The following MGAT4C variants were observed in gnomAD, a reference collection of about 807,000 sequenced individuals.
MGAT4C encodes MGAT4 family member C.
In MGAT4C, 19 loss-of-function variants were observed where a neutral mutation model predicts 40.1. The ratio of observed to expected loss-of-function variants is 0.47; its 90% CI spans 0.33 to 0.70. The LOEUF (loss-of-function observed/expected upper bound fraction) is 0.70, where lower values mean the gene tolerates loss of function less well. MGAT4C is among the 30% of genes least tolerant of loss of function. MGAT4C has a pLI of 0.02. For synonymous variants in MGAT4C, 181 were observed against 187.1 expected (o/e 0.97, Z 0.27); for missense variants, 491 against 563.2 (o/e 0.87, Z 1.30).
At chr12:86,544,026 G>T (rs775977651) in intron 2 of MGAT4C, among the ~76,000 whole-genome samples, 3 of 152,070 alleles carry the variant, frequency 2.0e-5, no homozygotes, top group Non-Finnish European at 2.9e-5. Context: ...GCTAGATAGT[G>T]AGCCCCATTT....
At chr12:86,109,410 GTTAA>G (rs1470508677) in intron 1 of MGAT4C, among the ~76,000 whole-genome samples, 3 of 152,004 alleles carry the variant, frequency 2.0e-5, no homozygotes, top group African/African-American at 4.8e-5. Flanking sequence ...TTCTTAAAGA[GTTAA>G]TTAAACAGAA....
At chr12:86,584,531 C>G (rs537569205) in intron 2 of MGAT4C, among the ~76,000 whole-genome samples, 88 of 151,150 alleles carry the variant, frequency 5.8e-4, no homozygotes, top group African/African-American at 2.1e-3. Flanking sequence ...TATTGACTTA[C>G]CAGAATTTAA....
At chr12:86,809,568 A>G (rs1462429108) in intron 1 of MGAT4C, among the ~76,000 whole-genome samples, 1 of 151,838 alleles carries the variant, frequency 6.6e-6, no homozygotes, top group Non-Finnish European at 1.5e-5. Context: ...TTAAAAAAAA[A>G]TTTATTTGCC....
At chr12:86,035,755 A>C (rs1891176027) in intron 2 of MGAT4C, among the ~76,000 whole-genome samples, 2 of 150,020 alleles carry the variant, frequency 1.3e-5, no homozygotes, top group South Asian at 4.2e-4. Flanking sequence ...ATTTTTATAT[A>C]AGGTGTAAGG....
chr12:86,040,629 C>A (rs1250269844), intron 2 of MGAT4C, among the ~76,000 whole-genome samples: 4 of 151,554 alleles, frequency 2.6e-5, no homozygotes, highest in Non-Finnish European at 5.9e-5. Context: ...CCAAGCCAGA[C>A]CACTTGGCTC....
intron 1 of MGAT4C, among the ~76,000 whole-genome samples, chr12:86,194,545 C>T (rs946768026): frequency 7.9e-5 from 12 of 151,766 alleles, no homozygotes; most frequent in African/African-American, 2.9e-4. Flanking sequence ...ACCTCCACCT[C>T]CCAGGTTTAA....
intron 1 of MGAT4C, among the ~76,000 whole-genome samples, chr12:86,199,010 A>G (rs1949931267): frequency 6.6e-6 from 1 of 152,190 alleles, no homozygotes; most frequent in Admixed American, 6.6e-5. Flanking sequence ...ACACACTATT[A>G]AAGGATTTAA....
At chr12:86,582,307 G>C (rs1960816439) in intron 2 of MGAT4C, among the ~76,000 whole-genome samples, 1 of 151,184 alleles carries the variant, frequency 6.6e-6, no homozygotes, top group Non-Finnish European at 1.5e-5. Context: ...GAAATGATGA[G>C]TACCTCCTTT....
At chr12:86,444,791 C>T (rs1296606628) in intron 2 of MGAT4C, among the ~76,000 whole-genome samples, 1 of 152,158 alleles carries the variant, frequency 6.6e-6, no homozygotes, top group Non-Finnish European at 1.5e-5. Context: ...TGTTGCACAA[C>T]TAATCTCCAG....
At chr12:86,403,135 C>A (rs1376850596) in intron 3 of MGAT4C, among the ~76,000 whole-genome samples, 2 of 152,152 alleles carry the variant, frequency 1.3e-5, no homozygotes, top group African/African-American at 4.8e-5. Context: ...GTTATGGCAT[C>A]TTTATTTAAA....
chr12:86,332,420 C>CAAA (rs372785859), intron 4 of MGAT4C, among the ~76,000 whole-genome samples: 4 of 144,060 alleles, frequency 2.8e-5, no homozygotes, highest in African/African-American at 1.0e-4. Flanking sequence ...AAGTATCTCT[C>CAAA]AAAAAAAAAG....
chr12:86,587,108 C>T (rs897216193), intron 2 of MGAT4C, among the ~76,000 whole-genome samples: 12 of 152,060 alleles, frequency 7.9e-5, no homozygotes, highest in African/African-American at 2.9e-4. Context: ...AGTCTTTAAT[C>T]CATCTTGAAT....
intron 3 of MGAT4C, among the ~76,000 whole-genome samples, chr12:86,376,218 CAAAAAAAAAAAA>C (rs1166300466): frequency 3.9e-5 from 2 of 50,760 alleles, no homozygotes; most frequent in Non-Finnish European, 7.8e-5. Flanking sequence ...TAACACATGT[CAAAAAAAAAAAA>C]AAAAAAAAAG....
At chr12:86,562,891 G>A (rs1959936085) in intron 2 of MGAT4C, among the ~76,000 whole-genome samples, 1 of 152,096 alleles carries the variant, frequency 6.6e-6, no homozygotes, top group Non-Finnish European at 1.5e-5. Flanking sequence ...TCCAGCTAGG[G>A]GAGTTTAAAA....
chr12:86,052,102 C>T (rs1007430634), intron 1 of MGAT4C, among the ~76,000 whole-genome samples: 1 of 151,416 alleles, frequency 6.6e-6, no homozygotes, highest in Non-Finnish European at 1.5e-5. Context: ...TAATATAATA[C>T]AATGAATCAG....
chr12:86,501,073 C>T (rs1958331978), intron 2 of MGAT4C, among the ~76,000 whole-genome samples: 2 of 152,126 alleles, frequency 1.3e-5, no homozygotes, highest in African/African-American at 2.4e-5. Context: ...TATGAGCAAG[C>T]TTCCACACAG....
At chr12:86,096,889 G>C (rs1278634989) in intron 1 of MGAT4C, among the ~76,000 whole-genome samples, 8 of 151,486 alleles carry the variant, frequency 5.3e-5, no homozygotes, top group African/African-American at 1.9e-4. Context: ...TCATCTGTTT[G>C]CAATGCTGAT....
At chr12:86,461,254 T>C (rs1957595894) in intron 2 of MGAT4C, among the ~76,000 whole-genome samples, 2 of 149,292 alleles carry the variant, frequency 1.3e-5, no homozygotes, top group South Asian at 4.2e-4. Flanking sequence ...TTTTTTTTTT[T>C]TTGAGACGGA....
intron 4 of MGAT4C, among the ~76,000 whole-genome samples, chr12:86,311,400 C>T (rs1254845936): frequency 1.3e-5 from 2 of 152,170 alleles, no homozygotes; most frequent in African/African-American, 2.4e-5. Flanking sequence ...TGCGGTCTGT[C>T]GCTGACTGAA....
Sources: gnomAD v4.1 joint callset for allele counts (sites outside exome capture counted in the v4.1 genomes callset) on GRCh38, gnomAD v4.1.1 for gene constraint, MANE v1.5 for transcripts, NCBI Gene and HGNC (gene_info 2026-07-23, HGNC 2026-07-21) for gene names.